The following GRM3 variants were observed in gnomAD, a reference collection of about 807,000 sequenced individuals.
The protein encoded by GRM3 is metabotropic glutamate receptor 3.
GRM3 carries 26 observed loss-of-function variants against 70.5 expected under a neutral mutation model. That is an observed-to-expected ratio of 0.37 (90% CI 0.27 to 0.51). The LOEUF is 0.51. GRM3 is among the 20% of genes least tolerant of loss of function. The pLI, the probability that GRM3 is intolerant of heterozygous loss-of-function variation, is 0.93. For missense variants in GRM3, 859 were observed against 1,123.8 expected (o/e 0.76, Z 3.37); for synonymous variants, 443 against 434.9 (o/e 1.02, Z -0.23).
At chr7:86,653,947 G>T (rs996541529) in intron 1 of GRM3, among the ~76,000 whole-genome samples, 2 of 152,160 alleles carry the variant, frequency 1.3e-5, no homozygotes, top group Non-Finnish European at 1.5e-5. Context: ...TGAGCTAGGG[G>T]ATGTGGGAAA....
intron 1 of GRM3, among the ~76,000 whole-genome samples, chr7:86,694,934 G>A (rs1271638603): frequency 2.6e-5 from 4 of 152,156 alleles, no homozygotes; most frequent in African/African-American, 7.2e-5. Flanking sequence ...GAGCACTTCT[G>A]TTGGGTAATG....
rs762291770 is a variant in GRM3, at chr7:86,838,908, G to A, written c.1394G>A (p.Arg465Gln). ...KFDTFGDGMG[R>Q]YNVFNFQNVG... is the part of the protein sequence containing the mutation. ...GACACTTTTGGAGATGGAATGGGGC[G>A]ATACAACGTGTTCAATTTCCAAAAT... The change falls in exon 4 of 6, where the codon CGA (arginine) becomes CAA (glutamine). Residue 465 changes from arginine to glutamine, a missense_variant. Transcript: ENST00000361669. The A allele has an allele frequency of 1.2e-5, 20 of 1,613,282 alleles. No individual in the cohort carries two copies. Among genetic ancestry groups the A allele is most frequent in the Middle Eastern group, 1.6e-4 (1 of 6,080 alleles).
chr7:86,653,399 T>C (rs1037669725), intron 1 of GRM3, among the ~76,000 whole-genome samples: 5 of 152,260 alleles, frequency 3.3e-5, no homozygotes, highest in African/African-American at 1.2e-4. Context: ...GAATTTCTTT[T>C]ACCAAATTAC....
At chr7:86,799,407 G>A (rs1797630501) in intron 3 of GRM3, among the ~76,000 whole-genome samples, 2 of 152,150 alleles carry the variant, frequency 1.3e-5, no homozygotes, top group Non-Finnish European at 1.5e-5. Flanking sequence ...TAGAGAGAGA[G>A]GGCATCCTTG....
At chr7:86,833,377 C>T (rs1002848063) in intron 3 of GRM3, among the ~76,000 whole-genome samples, 2 of 151,154 alleles carry the variant, frequency 1.3e-5, no homozygotes, top group African/African-American at 4.9e-5. Context: ...GCACATGTAC[C>T]CTAAAACTTA....
intron 1 of GRM3, among the ~76,000 whole-genome samples, chr7:86,699,639 A>G (rs1408436805): frequency 6.6e-6 from 1 of 152,040 alleles, no homozygotes; most frequent in Non-Finnish European, 1.5e-5. Context: ...ATTCAATCAC[A>G]AAAAGTTTTA....
intron 1 of GRM3, among the ~76,000 whole-genome samples, chr7:86,724,297 G>T (rs1795541603): frequency 6.6e-6 from 1 of 152,096 alleles, no homozygotes; most frequent in Non-Finnish European, 1.5e-5. Flanking sequence ...CCTGAGGATT[G>T]TTCAATAGGA....
intron 3 of GRM3, among the ~76,000 whole-genome samples, chr7:86,820,732 T>C (rs1798102727): frequency 6.6e-6 from 1 of 152,102 alleles, no homozygotes; most frequent in South Asian, 2.1e-4. Flanking sequence ...AGAGTTAAAA[T>C]TAACAACACA....
chr7:86,750,263 GCTAA>G (rs1425906409), intron 1 of GRM3, among the ~76,000 whole-genome samples: 12 of 152,174 alleles, frequency 7.9e-5, no homozygotes, highest in African/African-American at 2.6e-4. Context: ...GTTTAGCTAC[GCTAA>G]CTAATTTACA....
chr7:86,747,749 C>T (rs1562847176), intron 1 of GRM3, among the ~76,000 whole-genome samples: 1 of 152,080 alleles, frequency 6.6e-6, no homozygotes, highest in African/African-American at 2.4e-5. Flanking sequence ...TAACTATAAT[C>T]AGCTGTTTTT....
At chr7:86,797,751 T>C (rs1411071753) in intron 3 of GRM3, among the ~76,000 whole-genome samples, 1 of 152,158 alleles carries the variant, frequency 6.6e-6, no homozygotes, top group African/African-American at 2.4e-5. Flanking sequence ...CTCCAGGACA[T>C]GTCAGAGACC....
chr7:86,814,764 T>C (rs528296170), intron 3 of GRM3, among the ~76,000 whole-genome samples: 33 of 151,466 alleles, frequency 2.2e-4, no homozygotes, highest in Middle Eastern at 3.4e-3. Flanking sequence ...AATCTCTTTA[T>C]AATTGCAATT....
intron 1 of GRM3, among the ~76,000 whole-genome samples, chr7:86,649,608 G>A (rs770978723): frequency 3.0e-4 from 46 of 151,794 alleles, no homozygotes; most frequent in Admixed American, 1.3e-4. Flanking sequence ...ACACATATTT[G>A]AGTAAATTCA....
At chr7:86,760,434 G>A (rs1027090233) in intron 1 of GRM3, among the ~76,000 whole-genome samples, 9 of 152,038 alleles carry the variant, frequency 5.9e-5, no homozygotes, top group South Asian at 2.1e-4. Flanking sequence ...CATCATCCCC[G>A]AATGGAGAAC....
At chr7:86,688,345 G>C (rs978663729) in intron 1 of GRM3, among the ~76,000 whole-genome samples, 1 of 151,540 alleles carries the variant, frequency 6.6e-6, no homozygotes, top group Non-Finnish European at 1.5e-5. Context: ...AAATTATGTG[G>C]TTAAATTAAC....
At chr7:86,803,490 C>T (rs976425327) in intron 3 of GRM3, among the ~76,000 whole-genome samples, 5 of 152,128 alleles carry the variant, frequency 3.3e-5, no homozygotes, top group Admixed American at 2.6e-4. Flanking sequence ...TTCTTGGGAG[C>T]ATGATCTCAT....
At chr7:86,831,768 T>A (rs1221591744) in intron 3 of GRM3, among the ~76,000 whole-genome samples, 3 of 135,060 alleles carry the variant, frequency 2.2e-5, no homozygotes, top group Non-Finnish European at 4.6e-5. Flanking sequence ...CTGAAGAGAG[T>A]CCTCTTCAAA....
intron 1 of GRM3, among the ~76,000 whole-genome samples, chr7:86,678,209 T>G (rs1334847616): frequency 6.6e-6 from 1 of 152,018 alleles, no homozygotes; most frequent in East Asian, 1.9e-4. Flanking sequence ...TATCTGGTTT[T>G]CAAATTTTCT....
intron 1 of GRM3, among the ~76,000 whole-genome samples, chr7:86,761,178 C>G (rs572094317): frequency 6.6e-6 from 1 of 152,100 alleles, no homozygotes; most frequent in South Asian, 2.1e-4. Flanking sequence ...TCCTGGGTAT[C>G]CAACCCATAG....
Sources: gnomAD v4.1 joint callset for allele counts (sites outside exome capture counted in the v4.1 genomes callset) on GRCh38, gnomAD v4.1.1 for gene constraint, MANE v1.5 for transcripts, NCBI Gene and HGNC (gene_info 2026-07-23, HGNC 2026-07-21) for gene names.